HMGN3: variants seen among roughly 807,000 people sequenced by gnomAD.
The protein encoded by HMGN3 is high mobility group nucleosome-binding domain-containing protein 3.
Under a neutral mutation model 18.8 loss-of-function variants are expected in HMGN3, and 6 were observed. That is an observed-to-expected ratio of 0.32 (90% confidence interval 0.18 to 0.63). The LOEUF (loss-of-function observed/expected upper bound fraction) is 0.63, where lower values mean the gene tolerates loss of function less well. Ranked by LOEUF, HMGN3 falls within the 30% of genes least tolerant of loss-of-function variation. The pLI is 0.79. For synonymous variants in HMGN3, 40 were observed against 36.5 expected, an observed-to-expected ratio of 1.10 and a Z score of -0.35; for missense variants, 107 against 114.2, an observed-to-expected ratio of 0.94 and a Z score of 0.29.
At chr6:79,207,011 T>G (rs1482386330) in intron 3 of HMGN3, among the ~76,000 whole-genome samples, 2 of 152,220 alleles carry the variant, frequency 1.3e-5, no homozygotes, top group Admixed American at 6.5e-5. Flanking sequence ...TTCTCCCATT[T>G]GGAATGGATG....
intron 3 of HMGN3, among the ~76,000 whole-genome samples, chr6:79,203,997 T>A (rs1298742283): frequency 6.6e-6 from 1 of 152,246 alleles, no homozygotes; most frequent in Non-Finnish European, 1.5e-5. Context: ...ACTCAATGAA[T>A]TCAGTTGCAC....
At chr6:79,218,735 ATGG>A (rs1777116704) in intron 1 of HMGN3, among the ~76,000 whole-genome samples, 1 of 152,182 alleles carries the variant, frequency 6.6e-6, no homozygotes, top group South Asian at 2.1e-4. Flanking sequence ...CTTAAGCTAG[ATGG>A]TGGTTTATTA....
chr6:79,206,767 G>A (rs1776442662), intron 3 of HMGN3, among the ~76,000 whole-genome samples: 1 of 152,190 alleles, frequency 6.6e-6, no homozygotes, highest in Admixed American at 6.5e-5. Flanking sequence ...TGCACCGTGT[G>A]CCTGGAAAAG....
intron 1 of HMGN3, among the ~76,000 whole-genome samples, chr6:79,220,014 T>C (rs1296504321): frequency 6.6e-6 from 1 of 152,216 alleles, no homozygotes; most frequent in Non-Finnish European, 1.5e-5. Context: ...CATTCTTAAG[T>C]GTTTAATAAA....
chr6:79,232,759 T>G (rs1777912478), intron 1 of HMGN3, among the ~76,000 whole-genome samples: 1 of 152,126 alleles, frequency 6.6e-6, no homozygotes, highest in African/African-American at 2.4e-5. Context: ...ACTGTTTATG[T>G]AAACAATGGT....
intron 1 of HMGN3, among the ~76,000 whole-genome samples, chr6:79,229,096 T>C (rs1777706543): frequency 6.6e-6 from 1 of 152,190 alleles, no homozygotes; most frequent in African/African-American, 2.4e-5. Flanking sequence ...TAATTCAAAA[T>C]GGATAACATA....
At chr6:79,225,510 C>A (rs1777523134) in intron 1 of HMGN3, among the ~76,000 whole-genome samples, 3 of 152,036 alleles carry the variant, frequency 2.0e-5, no homozygotes, top group Admixed American at 2.0e-4. Context: ...AAACCCAGTC[C>A]CTAAGTAATG....
At chr6:79,233,842 CT>C (rs1440197629) in intron 1 of HMGN3, 5 of 152,416 alleles carry the variant, frequency 3.3e-5, no homozygotes, top group African/African-American at 1.2e-4. Flanking sequence ...TGGTGGCCCC[CT>C]GACCTTGGAC....
chr6:79,230,411 GATGA>G (rs1456990498), intron 1 of HMGN3, among the ~76,000 whole-genome samples: 3 of 152,162 alleles, frequency 2.0e-5, no homozygotes, highest in Non-Finnish European at 4.4e-5. Flanking sequence ...ACTTCGAATG[GATGA>G]ATGGACTTTA....
chr6:79,202,029 G>C (rs1487015042), intron 5 of HMGN3, 34 bp downstream of exon 6: 1 of 1,527,588 alleles, frequency 6.5e-7, no homozygotes. Context: ...TCTAGTCACT[G>C]CAAACATGCA....
At chr6:79,202,248 A>G (rs1776174368) in intron 5 of HMGN3, 28 bp downstream of exon 5, 1 of 1,613,786 alleles carries the variant, frequency 6.2e-7, no homozygotes, top group Admixed American at 1.7e-5. Flanking sequence ...CACTGATTCA[A>G]TCAGTGGGAG....
chr6:79,222,017 G>C (rs967947431), intron 1 of HMGN3, among the ~76,000 whole-genome samples: 1 of 150,022 alleles, frequency 6.7e-6, no homozygotes, highest in Non-Finnish European at 1.5e-5. Flanking sequence ...AAAGGCTATT[G>C]TTTTACGACT....
At chr6:79,229,692 A>G (rs1777741867) in intron 1 of HMGN3, among the ~76,000 whole-genome samples, 1 of 152,132 alleles carries the variant, frequency 6.6e-6, no homozygotes, top group Non-Finnish European at 1.5e-5. Context: ...CCTGGCTAAC[A>G]CGGTGAAACC....
At chr6:79,233,300 A>G (rs1345869053) in intron 1 of HMGN3, among the ~76,000 whole-genome samples, 4 of 152,200 alleles carry the variant, frequency 2.6e-5, no homozygotes, top group South Asian at 2.1e-4. Flanking sequence ...ACTTTTAAAC[A>G]CTTTCAATTA....
intron 1 of HMGN3, among the ~76,000 whole-genome samples, chr6:79,226,534 C>A (rs776746135): frequency 6.6e-6 from 1 of 152,122 alleles, no homozygotes; most frequent in South Asian, 2.1e-4. Context: ...ATAGTATATA[C>A]TTCTCTCGCA....
At chr6:79,229,831 T>C (rs573721209) in intron 1 of HMGN3, among the ~76,000 whole-genome samples, 8 of 151,856 alleles carry the variant, frequency 5.3e-5, no homozygotes, top group Non-Finnish European at 1.2e-4. Context: ...TGAGCTGAGA[T>C]CGCGCTACTG....
chr6:79,216,394 T>C (rs1776985323), intron 1 of HMGN3, among the ~76,000 whole-genome samples: 5 of 152,128 alleles, frequency 3.3e-5, no homozygotes. Context: ...TAAGGCTAAA[T>C]TCAAAAACTT....
chr6:79,214,904 G>T, intron 2 of HMGN3, 68 bp downstream of exon 2: 1 of 884,740 alleles, frequency 1.1e-6, no homozygotes, highest in South Asian at 1.5e-5. Flanking sequence ...TTCAGATGCA[G>T]ACAATCCTAA....
At chr6:79,202,359 C>T (rs748753792) in exon 5 of HMGN3, 1 of 1,614,090 alleles carries the variant, frequency 6.2e-7, no homozygotes, top group South Asian at 1.1e-5. Context: ...TTCCCTTTAG[C>T]ACCTCTGCTA....
Sources: gnomAD v4.1 joint callset for allele counts (sites outside exome capture counted in the v4.1 genomes callset) on GRCh38, gnomAD v4.1.1 for gene constraint, MANE v1.5 for transcripts, NCBI Gene and HGNC (gene_info 2026-07-23, HGNC 2026-07-21) for gene names.